The following ATAT1 variants were observed in gnomAD, a reference collection of about 807,000 sequenced individuals.
ATAT1 encodes alpha tubulin acetyltransferase 1.
Under a neutral mutation model 57.2 loss-of-function variants are expected in ATAT1, and 42 were observed. The observed-to-expected ratio is 0.73, with a 90% CI of 0.57 to 0.95. The LOEUF is 0.95. Among genes scored for constraint, ATAT1 ranks in the 40% least tolerant of loss-of-function variants. The pLI, the probability that ATAT1 is intolerant of heterozygous loss-of-function variation, is 0.00. For missense variants in ATAT1, 454 were observed against 523.7 expected (o/e 0.87, Z 1.30); for synonymous variants, 168 against 187.1 (o/e 0.90, Z 0.83).
intron 6 of ATAT1, among the ~76,000 whole-genome samples, chr6:30,635,965 C>G (rs959184460): frequency 6.6e-6 from 1 of 152,098 alleles, no homozygotes; most frequent in Non-Finnish European, 1.5e-5. Context: ...TAGAATGATT[C>G]AGTAGAGAGA....
Position 30,646,779 on chromosome 6 carries a change from T to C in ATAT1, c.*136T>C. 1 of 1,307,780 alleles carries C rather than the reference T, an allele frequency of 7.6e-7. No homozygotes were observed. The highest frequency in any genetic ancestry group is 1.7e-5 in the South Asian group (1 of 57,176). The allele number at this position is 1,307,780 out of a possible 1,614,324, so 81.0% of individuals were successfully genotyped here. ...AGGCTTATCAGATTCAAGTCATTTG[T>C]ATCTTTTAACCAGACCAATAAAAGT... On this transcript the variant is annotated 3_prime_UTR_variant, in exon 13 of 13. Transcript: ENST00000330083.
Position 30,627,106 on chromosome 6 carries a change from C to G in ATAT1, c.-98C>G. The G allele has an allele frequency of 6.3e-7, 1 of 1,575,508 alleles. No individual in the cohort carries two copies. The highest frequency in any genetic ancestry group is 1.2e-5 in the South Asian group (1 of 86,900). ...TGATCGCCCCTTTTGATGTCCAGGCCTGCCTTTTTGGTGACCTCTGACCCT... is the reference window on the plus strand; with the variant it reads ...TGATCGCCCCTTTTGATGTCCAGGCGTGCCTTTTTGGTGACCTCTGACCCT... On this transcript the variant is annotated 5_prime_UTR_variant, in exon 1 of 13. Coordinates refer to ENST00000330083, the MANE Select transcript of ATAT1 (RefSeq NM_001031722.4).
At chr6:30,643,559 C>T in intron 10 of ATAT1, 1 of 1,550,710 alleles carries the variant, frequency 6.4e-7, no homozygotes, top group Non-Finnish European at 8.7e-7. Flanking sequence ...AGAGTCGATA[C>T]TAACAGCTAC....
chr6:30,627,430 T>C (rs146736508), intron 1 of ATAT1, 30 bp from the exon 2 acceptor site: 12 of 1,608,044 alleles, frequency 7.5e-6, no homozygotes, highest in Non-Finnish European at 1.0e-5. Context: ...TTAGTGAGTA[T>C]CTGACTCTTT....
At chr6:30,639,578 G>A (rs903907618) in intron 6 of ATAT1, among the ~76,000 whole-genome samples, 1 of 150,968 alleles carries the variant, frequency 6.6e-6, no homozygotes, top group Non-Finnish European at 1.5e-5. Flanking sequence ...CCGGGTTCAC[G>A]CCATTCTGCT....
At chr6:30,644,181 C>T in intron 10 of ATAT1, 1 of 985,866 alleles carries the variant, frequency 1.0e-6, no homozygotes. Flanking sequence ...GTCAGGGAAC[C>T]CCAAACTGGT....
At chr6:30,630,992 A>G (rs182173181) in intron 6 of ATAT1, among the ~76,000 whole-genome samples, 3 of 151,988 alleles carry the variant, frequency 2.0e-5, no homozygotes, top group African/African-American at 7.2e-5. Flanking sequence ...TCCCTGTCTT[A>G]GTGGTGGAGC....
chr6:30,645,219 CTT>C (rs11312231), intron 10 of ATAT1, among the ~76,000 whole-genome samples: 19 of 142,926 alleles, frequency 1.3e-4, no homozygotes, highest in South Asian at 2.2e-4. Context: ...TCTAAGGAAT[CTT>C]TTTTTTTTTT....
rs1766281033 is a variant in ATAT1 at position 30,644,601 on chromosome 6, G to A, written c.933-1294G>A. On this transcript the variant is annotated intron_variant, in intron 10 of 12. Transcript: ENST00000330083. ...CACTCTTCCCTTTTCTTCTCTCAGT[G>A]TTGTCTGAATAAAGTGTGAAATCTT... 3 of 985,072 alleles carry A rather than the reference G, an allele frequency of 3.0e-6. No individual in the cohort carries two copies. In the African/African-American group the frequency reaches 5.3e-5, roughly 17 times the overall value. 61.0% of individuals were successfully genotyped at this position (985,072 alleles called of 1,614,324 possible). A position where few individuals can be genotyped will look rare whatever the true frequency, so the allele number is the denominator to read the frequency against.
chr6:30,631,476 A>G (rs915306410), intron 6 of ATAT1, among the ~76,000 whole-genome samples: 6 of 151,574 alleles, frequency 4.0e-5, no homozygotes, highest in African/African-American at 1.5e-4. Flanking sequence ...CTCCATCTCA[A>G]AAAAAAAGAA....
chr6:30,637,044 G>A (rs1054437665), intron 6 of ATAT1, among the ~76,000 whole-genome samples: 3 of 152,108 alleles, frequency 2.0e-5, no homozygotes, highest in South Asian at 2.1e-4. Context: ...CAAGTGATCC[G>A]CCCACCTCGG....
chr6:30,635,630 C>T (rs1244177238), intron 6 of ATAT1, among the ~76,000 whole-genome samples: 1 of 151,650 alleles, frequency 6.6e-6, no homozygotes, highest in Non-Finnish European at 1.5e-5. Context: ...AGTAAGGTGA[C>T]CTCAAAGGCC....
chr6:30,646,667 A>AAAG lies in ATAT1; in HGVS notation c.*25_*27dup. On this transcript the variant is annotated 3_prime_UTR_variant, in exon 13 of 13. Transcript: ENST00000330083. ...GACCGCAGCCCCGTCAAACATCTTC[A>AAAG]AAGTATTATTTCTCCCTCACTACAG... The AAAG allele has an allele frequency of 6.6e-7, 1 of 1,525,542 alleles. No individual in the cohort carries two copies. Among genetic ancestry groups the AAAG allele is most frequent in the Non-Finnish European group, 8.8e-7 (1 of 1,131,486 alleles). 94.5% of individuals were successfully genotyped at this position (1,525,542 alleles called of 1,614,324 possible). A position where few individuals can be genotyped will look rare whatever the true frequency, so the allele number is the denominator to read the frequency against.
Position 30,645,987 on chromosome 6 carries a change from T to C in ATAT1, c.1012+13T>C. The C allele has an allele frequency of 6.3e-7, 1 of 1,596,524 alleles. No individual in the cohort carries two copies. Among genetic ancestry groups the C allele is most frequent in the Non-Finnish European group, 8.5e-7 (1 of 1,171,126 alleles). Reference sequence around the variant, plus strand: ...TCCCCCAATACAGGTAAGTATTCACTCCTCCCTACCCTCAAATCAAGTAGG... The same window carrying C: ...TCCCCCAATACAGGTAAGTATTCACCCCTCCCTACCCTCAAATCAAGTAGG... On this transcript the variant is annotated intron_variant, in intron 11 of 12. Coordinates refer to ENST00000330083, the MANE Select transcript of ATAT1 (RefSeq NM_001031722.4).
At chr6:30,637,540 G>A (rs570335541) in intron 6 of ATAT1, among the ~76,000 whole-genome samples, 9 of 151,934 alleles carry the variant, frequency 5.9e-5, no homozygotes, top group Non-Finnish European at 1.2e-4. Flanking sequence ...AAAATAAGCC[G>A]GGCGTGGTGG....
At position 30,626,925 on chromosome 6, in the gene ATAT1, C is replaced by A. The variant is rs1187071562; in HGVS notation, c.-279C>A. 1.2e-6 allele frequency: 2 copies of A among 1,609,546 alleles called. No homozygotes were observed. The highest frequency in any genetic ancestry group is 3.4e-5 in the Admixed American group (2 of 59,542). ...CGATGTGGACGCGCTGTTCCCGGAG[C>A]GGATCACGGTGCTGGACCAGCACCT... On this transcript the variant is annotated 5_prime_UTR_variant, in exon 1 of 13. Transcript: ENST00000330083.
intron 12 of ATAT1, 46 bp downstream of exon 12, chr6:30,646,155 C>G: frequency 6.3e-7 from 1 of 1,589,368 alleles, no homozygotes; most frequent in Non-Finnish European, 8.6e-7. Context: ...CACCATCTGA[C>G]TCCCTTCCTA....
chr6:30,630,239 T>G (rs1762557695), intron 6 of ATAT1, among the ~76,000 whole-genome samples: 1 of 152,110 alleles, frequency 6.6e-6, no homozygotes, highest in Non-Finnish European at 1.5e-5. Flanking sequence ...GAGAATCGCT[T>G]GAGCCTGGGA....
At chr6:30,636,351 A>C (rs1490881876) in intron 6 of ATAT1, among the ~76,000 whole-genome samples, 1 of 152,044 alleles carries the variant, frequency 6.6e-6, no homozygotes, top group Non-Finnish European at 1.5e-5. Context: ...TTGGGAGGCC[A>C]AGGTAGGCGG....
Sources: allele counts gnomAD v4.1 joint callset (sites outside exome capture counted in the v4.1 genomes callset), GRCh38; gene constraint gnomAD v4.1.1; transcripts MANE v1.5; gene names NCBI Gene and HGNC (gene_info 2026-07-23, HGNC 2026-07-21).